NOP9: variants seen among roughly 807,000 people sequenced by gnomAD.
NOP9 encodes the protein nucleolar protein 9.
NOP9 carries 50 observed loss-of-function variants against 63.0 expected under a neutral mutation model. That is an observed-to-expected ratio of 0.79 (90% CI 0.63 to 1.00). NOP9 has a LOEUF of 1.00. Ranked by LOEUF, NOP9 falls within the 50% of genes least tolerant of loss-of-function variation. NOP9 has a pLI of 0.00. For missense variants in NOP9, 758 were observed against 803.0 expected, an observed-to-expected ratio of 0.94 and a Z score of 0.68; for synonymous variants, 343 against 332.8, an observed-to-expected ratio of 1.03 and a Z score of -0.33.
chr14:24,307,663 TG>T lies in NOP9; in HGVS notation c.*2573del. The T allele has an allele frequency of 1.1e-6, 1 of 892,524 alleles. No homozygotes were observed. Among genetic ancestry groups the T allele is most frequent in the Non-Finnish European group, 1.7e-6 (1 of 587,610 alleles). 55.3% of individuals were successfully genotyped at this position (892,524 alleles called of 1,614,324 possible). A position where few individuals can be genotyped will look rare whatever the true frequency, so the allele number is the denominator to read the frequency against. ...TGAGGGAGAGACCATGGAGTGCAGGTGGGGGCGGGTGGCTCAGGAGCTTGAC... is the reference window on the plus strand; with the variant it reads ...TGAGGGAGAGACCATGGAGTGCAGGTGGGGCGGGTGGCTCAGGAGCTTGAC... On this transcript the variant is annotated 3_prime_UTR_variant, in exon 10 of 10. Coordinates refer to ENST00000267425, the MANE Select transcript of NOP9 (RefSeq NM_174913.3).
the NOP9 span, among the ~76,000 whole-genome samples, chr14:24,274,688 C>T: frequency 4.0e-5 from 6 of 151,538 alleles, no homozygotes; most frequent in African/African-American, 1.5e-4. Flanking sequence ...TGCTCACTGC[C>T]AGCTCTGCCT....
At chr14:24,297,018 G>C, upstream of NOP9, 1 of 1,166,650 alleles carries the variant, frequency 8.6e-7, no homozygotes, top group Non-Finnish European at 1.2e-6. Context: ...AACATGGCAG[G>C]CAACGCTGCC....
chr14:24,303,556 T>G (rs2041417159), intron 6 of NOP9, among the ~76,000 whole-genome samples, 176 bp from the exon 7 acceptor site: 1 of 152,164 alleles, frequency 6.6e-6, no homozygotes, highest in African/African-American at 2.4e-5. Context: ...GATAAACATT[T>G]ATTAACCCCT....
chr14:24,296,578 T>G, upstream of NOP9: 1 of 1,614,066 alleles, frequency 6.2e-7, no homozygotes, highest in Non-Finnish European at 8.5e-7. Context: ...ATTCCTGGTG[T>G]TCAGGATCGT....
rs1456952160 is a variant in NOP9, at chr14:24,300,796, G to A, written c.636G>A (p.Gln212=). ...GCTTCGTGGTCAGAACTCTGCTTCA[G>A]GTGTTAGGAGGGACTATTCTGGAGT... is the stretch of plus-strand genomic sequence containing the variant. The part of the protein sequence containing the change: ...HGSFVVRTLL[Q]VLGGTILESE... Residue 212 remains glutamine, a synonymous_variant, in exon 2 of 10, where the codon CAG becomes CAA. Transcript: ENST00000267425. 1 of 1,614,234 alleles carries A rather than the reference G, an allele frequency of 6.2e-7. No individual in the cohort carries two copies. Among genetic ancestry groups the A allele is most frequent in the African/African-American group, 1.3e-5 (1 of 75,052 alleles).
At chr14:24,289,725 C>T in the NOP9 span, among the ~76,000 whole-genome samples, 2 of 152,246 alleles carry the variant, frequency 1.3e-5, no homozygotes, top group African/African-American at 4.8e-5. Flanking sequence ...TGTGGACTTT[C>T]ATGGGACATG....
the NOP9 span, among the ~76,000 whole-genome samples, chr14:24,282,900 T>C: frequency 6.6e-6 from 1 of 151,692 alleles, no homozygotes; most frequent in Non-Finnish European, 1.5e-5. Context: ...AGCCTGCACC[T>C]GGACTCTGGC....
chr14:24,296,744 C>G (rs1325813130), upstream of NOP9: 1 of 1,613,982 alleles, frequency 6.2e-7, no homozygotes, highest in African/African-American at 1.3e-5. Context: ...GTACCTGGAC[C>G]CCTGCATAAG....
the NOP9 span, among the ~76,000 whole-genome samples, chr14:24,273,108 C>A: frequency 6.6e-6 from 1 of 151,654 alleles, no homozygotes; most frequent in East Asian, 1.9e-4. Flanking sequence ...GATGTCTTTG[C>A]GAATAGTGTG....
chr14:24,288,260 G>T, the NOP9 span, among the ~76,000 whole-genome samples: 1 of 152,158 alleles, frequency 6.6e-6, no homozygotes, highest in Non-Finnish European at 1.5e-5. Flanking sequence ...GCGGGGGCCT[G>T]GTCTGTCTTG....
chr14:24,292,607 T>A, the NOP9 span: 3 of 1,614,090 alleles, frequency 1.9e-6, no homozygotes, highest in Non-Finnish European at 2.5e-6. Flanking sequence ...ATAGGTAACA[T>A]CACTGTCTTT....
At position 24,306,430 on chromosome 14, in the gene NOP9, C is replaced by G. The variant is rs2041509810; in HGVS notation, c.*1335C>G. The G allele has an allele frequency of 6.2e-7, 1 of 1,614,258 alleles. No homozygotes were observed. Among genetic ancestry groups the G allele is most frequent in the East Asian group, 2.2e-5 (1 of 44,890 alleles). ...AACACCATCAGGCACGTGTCATCCT[C>G]CAGCAGCTGGAAGAAGTCCTCACTG... On this transcript the variant is annotated 3_prime_UTR_variant, in exon 10 of 10. Transcript: ENST00000267425.
At chr14:24,299,018 G>A (rs1169293461), upstream of NOP9, 6 of 1,614,080 alleles carry the variant, frequency 3.7e-6, no homozygotes, top group East Asian at 1.1e-4. Context: ...TGTGGCGCCT[G>A]CTTTGCAGAG....
Position 24,303,628 on chromosome 14 carries a change from C to G in NOP9, c.1285-104C>G, listed in dbSNP as rs546831776. The stretch of plus-strand genomic sequence containing the variant: ...CATCTGCTTTCATGGAGCTAACATT[C>G]TTGTGGAGTTGGGCCTTCTTTCCTT... On this transcript the variant is annotated intron_variant, in intron 6 of 9. Coordinates refer to ENST00000267425, the MANE Select transcript of NOP9 (RefSeq NM_174913.3). 151 of 1,186,066 alleles carry G rather than the reference C, an allele frequency of 1.3e-4. 1 individual carries two copies. The highest frequency in any genetic ancestry group is 3.0e-5 in the Non-Finnish European group (24 of 804,298). 73.5% of individuals were successfully genotyped at this position (1,186,066 alleles called of 1,614,324 possible). A position where few individuals can be genotyped will look rare whatever the true frequency, so the allele number is the denominator to read the frequency against.
At chr14:24,292,132 T>C in the NOP9 span, 2 of 1,609,858 alleles carry the variant, frequency 1.2e-6, no homozygotes, top group Non-Finnish European at 1.7e-6. Context: ...TTATTGAGGA[T>C]GCAGAGGCCG....
upstream of NOP9, among the ~76,000 whole-genome samples, chr14:24,297,035 T>G (rs186113645): frequency 1.1e-4 from 16 of 152,296 alleles, no homozygotes; most frequent in East Asian, 2.7e-3. Flanking sequence ...TGCCCTCTGG[T>G]GTCTGTTTGA....
chr14:24,295,174 T>C (rs1245974131), upstream of NOP9, among the ~76,000 whole-genome samples: 1 of 152,106 alleles, frequency 6.6e-6, no homozygotes, highest in East Asian at 1.9e-4. Context: ...CGTACAAGTA[T>C]TAAAAAGAAT....
At chr14:24,291,424 T>G in the NOP9 span, 1 of 1,139,704 alleles carries the variant, frequency 8.8e-7, no homozygotes, top group African/African-American at 1.5e-5. Flanking sequence ...TGCTGACCCC[T>G]TGGGCCTCAA....
upstream of NOP9, chr14:24,296,504 C>A (rs374567221): frequency 1.9e-6 from 3 of 1,613,972 alleles, no homozygotes; most frequent in Non-Finnish European, 2.5e-6. Context: ...CAGTGGAGCA[C>A]CCACCTGAGT....
Sources: gnomAD v4.1 joint callset for allele counts (sites outside exome capture counted in the v4.1 genomes callset) on GRCh38, gnomAD v4.1.1 for gene constraint, MANE v1.5 for transcripts, NCBI Gene and HGNC (gene_info 2026-07-23, HGNC 2026-07-21) for gene names.